The following SCHIP1 variants were observed in gnomAD, a reference collection of about 807,000 sequenced individuals.
The protein encoded by SCHIP1 is schwannomin-interacting protein 1.
Under a neutral mutation model 29.7 loss-of-function variants are expected in SCHIP1, and 8 were observed. The ratio of observed to expected loss-of-function variants is 0.27; its 90% CI spans 0.16 to 0.49. The LOEUF (loss-of-function observed/expected upper bound fraction) is 0.49, where lower values mean the gene tolerates loss of function less well. Among genes scored for constraint, SCHIP1 ranks in the 20% least tolerant of loss-of-function variants. The pLI is 0.99. For missense variants in SCHIP1, 193 were observed against 294.6 expected (o/e 0.66, Z 2.52); for synonymous variants, 76 against 94.9 (o/e 0.80, Z 1.16).
intron 2 of SCHIP1, among the ~76,000 whole-genome samples, chr3:159,871,754 T>G (rs1239621586): frequency 2.1e-5 from 3 of 142,972 alleles, no homozygotes; most frequent in African/African-American, 5.0e-5. Context: ...ATATAAAATT[T>G]TACTTAATTT....
chr3:159,526,293 C>T, the SCHIP1 span, among the ~76,000 whole-genome samples: 3 of 152,058 alleles, frequency 2.0e-5, no homozygotes, highest in East Asian at 5.8e-4. Flanking sequence ...CTCAGCCTCA[C>T]AAGTAGCTGG....
At chr3:159,660,268 A>G in the SCHIP1 span, among the ~76,000 whole-genome samples, 1 of 152,168 alleles carries the variant, frequency 6.6e-6, no homozygotes, top group Non-Finnish European at 1.5e-5. Flanking sequence ...AGCTTCGAGT[A>G]TAGATGATGT....
chr3:159,598,670 C>G, the SCHIP1 span, among the ~76,000 whole-genome samples: 1 of 152,114 alleles, frequency 6.6e-6, no homozygotes, highest in Non-Finnish European at 1.5e-5. Context: ...CTTCCAGGGA[C>G]AAGGTGCAAG....
At chr3:159,751,996 G>A in the SCHIP1 span, among the ~76,000 whole-genome samples, 1 of 152,100 alleles carries the variant, frequency 6.6e-6, no homozygotes. Context: ...TGAGTGAGCT[G>A]TCACAAGATC....
the SCHIP1 span, among the ~76,000 whole-genome samples, chr3:159,315,414 G>A: frequency 1.4e-5 from 2 of 141,760 alleles, no homozygotes; most frequent in African/African-American, 5.3e-5. Flanking sequence ...TTTTTTAGTA[G>A]AGACAGGGTT....
chr3:159,518,170 T>C, the SCHIP1 span, among the ~76,000 whole-genome samples: 1 of 152,124 alleles, frequency 6.6e-6, no homozygotes, highest in African/African-American at 2.4e-5. Context: ...ATTTGTCATT[T>C]TGGAACATAT....
the SCHIP1 span, among the ~76,000 whole-genome samples, chr3:159,358,233 C>G: frequency 1.8e-4 from 28 of 152,126 alleles, no homozygotes; most frequent in Non-Finnish European, 3.4e-4. Context: ...GCTGGACATG[C>G]CTGGCTGCTC....
At chr3:159,625,334 A>G in the SCHIP1 span, among the ~76,000 whole-genome samples, 1 of 152,092 alleles carries the variant, frequency 6.6e-6, no homozygotes, top group Non-Finnish European at 1.5e-5. Context: ...AACAGCCCAC[A>G]CATAATAAGT....
chr3:159,323,642 T>C, the SCHIP1 span, among the ~76,000 whole-genome samples: 7 of 152,254 alleles, frequency 4.6e-5, no homozygotes, highest in Non-Finnish European at 1.0e-4. Context: ...CACATACATC[T>C]TTGCACACTG....
chr3:159,857,770 C>T (rs914643637), intron 1 of SCHIP1, among the ~76,000 whole-genome samples: 1 of 152,140 alleles, frequency 6.6e-6, no homozygotes, highest in African/African-American at 2.4e-5. Context: ...CTGTCTGTGC[C>T]AGGCACTGCG....
At chr3:159,502,642 A>C in the SCHIP1 span, among the ~76,000 whole-genome samples, 243 of 118,582 alleles carry the variant, frequency 2.0e-3, no homozygotes, top group Admixed American at 3.2e-3. Context: ...ATCCCTCCCC[A>C]CTCCCCCCAC....
the SCHIP1 span, among the ~76,000 whole-genome samples, chr3:159,424,361 G>A: frequency 3.9e-5 from 6 of 152,190 alleles, no homozygotes; most frequent in Non-Finnish European, 2.9e-5. Flanking sequence ...TGATGGAGCT[G>A]AAAGCCAAGG....
the SCHIP1 span, among the ~76,000 whole-genome samples, chr3:159,716,526 CAT>C: frequency 6.6e-6 from 1 of 152,252 alleles, no homozygotes; most frequent in East Asian, 1.9e-4. Flanking sequence ...CAGAGACACA[CAT>C]AGGCTCAAAA....
the SCHIP1 span, among the ~76,000 whole-genome samples, chr3:159,797,009 C>T: frequency 1.3e-5 from 2 of 152,062 alleles, no homozygotes; most frequent in African/African-American, 4.8e-5. Context: ...TTCTGTTGCC[C>T]AGGAGATCCA....
the SCHIP1 span, among the ~76,000 whole-genome samples, chr3:159,326,732 G>C: frequency 1.3e-5 from 2 of 152,148 alleles, no homozygotes; most frequent in African/African-American, 4.8e-5. Context: ...AAGGAGCTGA[G>C]AAACAAGGAG....
chr3:159,626,138 A>G, the SCHIP1 span, among the ~76,000 whole-genome samples: 3 of 114,174 alleles, frequency 2.6e-5, no homozygotes, highest in African/African-American at 2.0e-4. Context: ...AGATAGATAG[A>G]TATATCTAGA....
chr3:159,894,172 G>A (rs552529624), intron 6 of SCHIP1: 14 of 152,288 alleles, frequency 9.2e-5, no homozygotes, highest in South Asian at 6.2e-4. Context: ...GTGGGCTAGC[G>A]TGGGCATGAG....
chr3:159,492,010 T>C, the SCHIP1 span, among the ~76,000 whole-genome samples: 2 of 152,138 alleles, frequency 1.3e-5, no homozygotes, highest in African/African-American at 4.8e-5. Context: ...GGACCTCCAG[T>C]AAACTCCAAC....
At chr3:159,594,366 C>T in the SCHIP1 span, among the ~76,000 whole-genome samples, 1 of 152,132 alleles carries the variant, frequency 6.6e-6, no homozygotes, top group Non-Finnish European at 1.5e-5. Flanking sequence ...TGCCTTCGGA[C>T]ACTGAGTGAC....
Sources: gnomAD v4.1 joint callset for allele counts (sites outside exome capture counted in the v4.1 genomes callset) on GRCh38, gnomAD v4.1.1 for gene constraint, MANE v1.5 for transcripts, NCBI Gene and HGNC (gene_info 2026-07-23, HGNC 2026-07-21) for gene names.